Variants in MPDZ observed in about 807,000 individuals in gnomAD.
MPDZ encodes the protein multiple PDZ domain protein.
MPDZ carries 234 observed loss-of-function variants against 239.1 expected under a neutral mutation model. The observed-to-expected ratio is 0.98, with a 90% CI of 0.88 to 1.09. The LOEUF (loss-of-function observed/expected upper bound fraction) is 1.09. Among genes scored for constraint, MPDZ ranks in the 50% least tolerant of loss-of-function variants. MPDZ has a pLI of 0.00. For missense variants in MPDZ, 3,175 were observed against 2,510.0 expected (o/e 1.26, Z -5.66); for synonymous variants, 1,048 against 881.3 (o/e 1.19, Z -3.35).
At chr9:13,114,908 T>C (rs1358533829) in intron 40 of MPDZ, among the ~76,000 whole-genome samples, 1 of 151,598 alleles carries the variant, frequency 6.6e-6, no homozygotes, top group Non-Finnish European at 1.5e-5. Context: ...TCAAAATAAA[T>C]AAATAAATAA....
intron 32 of MPDZ, among the ~76,000 whole-genome samples, chr9:13,130,874 G>A (rs879674005): frequency 6.6e-6 from 1 of 152,186 alleles, no homozygotes; most frequent in African/African-American, 2.4e-5. Context: ...CAGAAAGGCA[G>A]ATGGGGCCCA....
chr9:13,190,357 C>G (rs1403244536), intron 15 of MPDZ, 58 bp from the exon 16 acceptor site: 7 of 1,338,178 alleles, frequency 5.2e-6, no homozygotes, highest in Non-Finnish European at 6.8e-6. Context: ...ACACACATAC[C>G]AACACTACAA....
chr9:13,131,283 A>G (rs1461258542), intron 32 of MPDZ, among the ~76,000 whole-genome samples: 3 of 152,138 alleles, frequency 2.0e-5, no homozygotes, highest in South Asian at 2.1e-4. Flanking sequence ...GATGTGTTCA[A>G]GGATATATTC....
In MPDZ at chr9:13,247,772, G is replaced by T. The variant is rs767520042; in HGVS notation, c.46C>A (p.Arg16Ser). The change falls in exon 3 of 47, where the codon CGC becomes AGC. Residue 16 changes from arginine (R) to serine (S), a missense_variant. Physicochemically the swap from Arg to Ser is moderately radical, Grantham distance 110. Coordinates refer to ENST00000319217, the MANE Select transcript of MPDZ (RefSeq NM_001378778.1). ...CGTTCTCGCAGCTTGGTTTGCAAGC[G>T]CTCTGCTGCATGCAGGGCCCGATTT... Reference protein sequence around the residue: ...DKNRALHAAERLQTKLRERGD... With the variant: ...DKNRALHAAESLQTKLRERGD... The T allele has an allele frequency of 6.2e-7, 1 of 1,611,392 alleles. No homozygotes were observed. The highest frequency in any genetic ancestry group is 2.2e-5 in the East Asian group (1 of 44,818).
intron 13 of MPDZ, 135 bp downstream of exon 13, chr9:13,195,986 T>A (rs967326730): frequency 1.8e-6 from 1 of 569,940 alleles, no homozygotes; most frequent in Non-Finnish European, 3.0e-6. Context: ...TGGATCACCA[T>A]ATTTAGGTTG....
chr9:13,160,705 C>T (rs1950354157), intron 23 of MPDZ, among the ~76,000 whole-genome samples: 1 of 150,960 alleles, frequency 6.6e-6, no homozygotes, highest in African/African-American at 2.4e-5. Flanking sequence ...TCCCCTATCC[C>T]TCGTATCCTT....
intron 1 of MPDZ, among the ~76,000 whole-genome samples, chr9:13,272,579 C>T (rs1462853657): frequency 1.3e-5 from 2 of 151,340 alleles, no homozygotes; most frequent in African/African-American, 2.4e-5. Flanking sequence ...AAAATGAGGC[C>T]GAGCGTGGTG....
chr9:13,262,066 T>TA (rs576060060), intron 1 of MPDZ, among the ~76,000 whole-genome samples: 60 of 145,132 alleles, frequency 4.1e-4, no homozygotes, highest in Admixed American at 5.5e-4. Flanking sequence ...AATTAAAAAT[T>TA]AAAAAAAAAA....
chr9:13,136,235 C>G (rs979855898), intron 30 of MPDZ, 53 bp from the exon 31 acceptor site: 1 of 1,249,782 alleles, frequency 8.0e-7, no homozygotes, highest in Admixed American at 2.0e-5. Context: ...TATTTTCATT[C>G]TCTTACTTCA....
At chr9:13,190,581 CTG>C (rs2134970679) in intron 15 of MPDZ, among the ~76,000 whole-genome samples, 1 of 152,188 alleles carries the variant, frequency 6.6e-6, no homozygotes, top group East Asian at 1.9e-4. Context: ...TTGTGCGTGA[CTG>C]TCACTTTTTT....
intron 21 of MPDZ, among the ~76,000 whole-genome samples, chr9:13,171,444 A>G (rs1951768951): frequency 6.6e-6 from 1 of 152,088 alleles, no homozygotes; most frequent in Non-Finnish European, 1.5e-5. Context: ...TACCCCTTTA[A>G]GGGTTGAGTA....
intron 12 of MPDZ, among the ~76,000 whole-genome samples, chr9:13,201,778 G>T (rs1956418335): frequency 6.6e-6 from 1 of 151,738 alleles, no homozygotes; most frequent in African/African-American, 2.4e-5. Context: ...ATTTATAAAA[G>T]ATAAAAATAA....
At chr9:13,189,131 A>T in intron 16 of MPDZ, 138 bp from the exon 17 acceptor site, 1 of 723,174 alleles carries the variant, frequency 1.4e-6, no homozygotes, top group South Asian at 2.1e-5. Context: ...AATCCATACA[A>T]AATTTCTAAT....
At chr9:13,115,013 A>T (rs1943160045) in intron 40 of MPDZ, among the ~76,000 whole-genome samples, 1 of 152,202 alleles carries the variant, frequency 6.6e-6, no homozygotes, top group Admixed American at 6.5e-5. Context: ...ATCATGTCAA[A>T]AAAGAATGCT....
intron 1 of MPDZ, among the ~76,000 whole-genome samples, chr9:13,260,801 G>C (rs937040524): frequency 1.3e-5 from 2 of 152,164 alleles, no homozygotes; most frequent in Non-Finnish European, 2.9e-5. Context: ...AACCCTACCA[G>C]ACCTTGATCT....
At chr9:13,140,387 T>A (rs1427991067) in intron 27 of MPDZ, among the ~76,000 whole-genome samples, 1 of 142,616 alleles carries the variant, frequency 7.0e-6, no homozygotes, top group African/African-American at 2.7e-5. Flanking sequence ...ATATTTTATA[T>A]ATATACATAT....
chr9:13,263,391 T>G (rs996580841), intron 1 of MPDZ, among the ~76,000 whole-genome samples: 6 of 145,356 alleles, frequency 4.1e-5, no homozygotes, highest in Non-Finnish European at 9.0e-5. Context: ...TGTCCTTGTT[T>G]GGCAAAAAAA....
rs890956571 is a variant in MPDZ, at chr9:13,208,005, G to A, written c.1291-1906C>T. On this transcript the variant is annotated intron_variant, in intron 10 of 46. Transcript: ENST00000319217. ...TAGAATTGCAAAATGACTATAAAAT[G>A]ACTGTACGTGTAATGCTTTTCCAAG... is the stretch of plus-strand genomic sequence containing the variant. 2.0e-5 allele frequency among the ~76,000 whole-genome samples: 3 copies of A among 152,142 alleles called. No individual in the cohort carries two copies. The East Asian group carries it at 5.8e-4, about 29-fold the overall frequency.
At chr9:13,111,112 T>G (rs1942389453) in intron 43 of MPDZ, among the ~76,000 whole-genome samples, 1 of 152,252 alleles carries the variant, frequency 6.6e-6, no homozygotes, top group Non-Finnish European at 1.5e-5. Flanking sequence ...TGACTCTAAG[T>G]CGGAGGTTGG....
Sources: gnomAD v4.1 joint callset for allele counts (sites outside exome capture counted in the v4.1 genomes callset) on GRCh38, gnomAD v4.1.1 for gene constraint, MANE v1.5 for transcripts, NCBI Gene and HGNC (gene_info 2026-07-23, HGNC 2026-07-21) for gene names.